Variants in CC2D2A observed in about 807,000 individuals in gnomAD.
The protein encoded by CC2D2A is coiled-coil and C2 domain-containing protein 2A.
CC2D2A carries 155 observed loss-of-function variants against 212.9 expected under a neutral mutation model. The ratio of observed to expected loss-of-function variants is 0.73; its 90% CI spans 0.64 to 0.83. The LOEUF (loss-of-function observed/expected upper bound fraction) is 0.83. Ranked by LOEUF, CC2D2A falls within the 40% of genes least tolerant of loss-of-function variation. The pLI, the probability that CC2D2A is intolerant of heterozygous loss-of-function variation, is 0.00. For missense variants in CC2D2A, 1,856 were observed against 1,956.2 expected (o/e 0.95, Z 0.97); for synonymous variants, 667 against 686.5 (o/e 0.97, Z 0.44).
intron 6 of CC2D2A, among the ~76,000 whole-genome samples, chr4:15,509,564 G>A (rs1716443890): frequency 6.6e-6 from 1 of 152,168 alleles, no homozygotes; most frequent in Non-Finnish European, 1.5e-5. Flanking sequence ...ATGAGCCACT[G>A]CATCTGGACA....
intron 24 of CC2D2A, among the ~76,000 whole-genome samples, chr4:15,566,810 C>CA (rs539922969): frequency 4.7e-4 from 72 of 151,932 alleles, no homozygotes; most frequent in African/African-American, 1.7e-3. Flanking sequence ...CTGGTCCCTA[C>CA]AAAAAATTTT....
chr4:15,524,001 G>A (rs967409891), intron 11 of CC2D2A, among the ~76,000 whole-genome samples: 2 of 152,192 alleles, frequency 1.3e-5, no homozygotes, highest in Non-Finnish European at 2.9e-5. Context: ...TCTTCCCAGG[G>A]AAGACCAGAA....
intron 29 of CC2D2A, among the ~76,000 whole-genome samples, chr4:15,579,340 A>C (rs939543286): frequency 6.6e-6 from 1 of 152,032 alleles, no homozygotes; most frequent in African/African-American, 2.4e-5. Context: ...AAAAAAAAAA[A>C]GTCTGGGAAT....
chr4:15,512,091 C>T (rs1716598561), intron 8 of CC2D2A, among the ~76,000 whole-genome samples: 1 of 152,186 alleles, frequency 6.6e-6, no homozygotes, highest in Non-Finnish European at 1.5e-5. Context: ...AGAAATTGGA[C>T]TTTGGTGCGT....
chr4:15,493,661 A>G (rs775772241), intron 4 of CC2D2A, among the ~76,000 whole-genome samples: 8 of 152,156 alleles, frequency 5.3e-5, no homozygotes, highest in Admixed American at 5.2e-4. Flanking sequence ...TTGTATCACC[A>G]TCTGACATAC....
intron 22 of CC2D2A, among the ~76,000 whole-genome samples, chr4:15,560,191 G>T (rs1719504382): frequency 6.6e-6 from 1 of 152,110 alleles, no homozygotes; most frequent in Non-Finnish European, 1.5e-5. Context: ...TTAAGAATCA[G>T]TTCTTAAGTA....
At chr4:15,532,917 T>C (rs1341498773) in intron 13 of CC2D2A, among the ~76,000 whole-genome samples, 1 of 152,228 alleles carries the variant, frequency 6.6e-6, no homozygotes, top group Non-Finnish European at 1.5e-5. Context: ...TTTCTTACCT[T>C]CAAAGGTGAC....
intron 12 of CC2D2A, 90 bp from the exon 13 acceptor site, chr4:15,528,530 C>A: frequency 1.1e-6 from 1 of 928,786 alleles, no homozygotes. Context: ...CTGATGGCAC[C>A]ATTTTGCCCA....
In CC2D2A at chr4:15,511,418, GA is replaced by G. The variant is rs754985710; in HGVS notation, c.715del (p.Met239TrpfsTer19). 6.5e-7 allele frequency: 1 copy of G among 1,537,612 alleles called. No individual in the cohort carries two copies. Among genetic ancestry groups the G allele is most frequent in the East Asian group, 2.5e-5 (1 of 40,726 alleles). ...EEPPAQGGGK[E>X]MDEEELLNGD... is the part of the protein sequence containing the mutation. ...ACCACCTGCACAAGGAGGAGGAAAG[GA>G]AATGGTATTTAATATCAGGATGGTA... On this transcript the variant is annotated frameshift_variant, in exon 8 of 37. Transcript: ENST00000424120. LOFTEE classifies it high-confidence loss of function.
chr4:15,491,167 C>A (rs1715285907), intron 4 of CC2D2A, among the ~76,000 whole-genome samples: 1 of 152,222 alleles, frequency 6.6e-6, no homozygotes, highest in South Asian at 2.1e-4. Context: ...TAAGAAACTG[C>A]CGATATACTT....
At chr4:15,570,264 C>T in intron 27 of CC2D2A, 134 bp from the exon 28 acceptor site, 1 of 513,840 alleles carries the variant, frequency 1.9e-6, no homozygotes, top group Non-Finnish European at 3.5e-6. Context: ...TGTATCTGTA[C>T]CAGAATTTGA....
chr4:15,536,747 T>G (rs1718153355), intron 14 of CC2D2A, among the ~76,000 whole-genome samples, 173 bp from the exon 15 acceptor site: 1 of 152,216 alleles, frequency 6.6e-6, no homozygotes, highest in South Asian at 2.1e-4. Context: ...TGTCATCTCA[T>G]GTATACGATG....
At chr4:15,515,788 G>A in intron 9 of CC2D2A, 80 bp from the exon 10 acceptor site, 1 of 1,304,472 alleles carries the variant, frequency 7.7e-7, no homozygotes, top group Non-Finnish European at 1.0e-6. Flanking sequence ...TGAAATCTCT[G>A]GTGATTAATT....
chr4:15,524,605 C>T lies in CC2D2A; in HGVS notation c.1150-2842C>T, dbSNP rs1361384805. Among the ~76,000 whole-genome samples the T allele has an allele frequency of 2.6e-5, 4 of 151,782 alleles. No homozygotes were observed. In the East Asian group the frequency reaches 7.8e-4, roughly 30 times the overall value. ...AGCTGGGACTACAGGTGCCCGCCAC[C>T]ACGCTCGGCTAATTTTTTTGTATTT... On this transcript the variant is annotated intron_variant, in intron 11 of 36. Coordinates refer to ENST00000424120, the MANE Select transcript of CC2D2A (RefSeq NM_001378615.1).
chr4:15,531,095 A>T (rs1418363148), intron 13 of CC2D2A, among the ~76,000 whole-genome samples: 1 of 152,064 alleles, frequency 6.6e-6, no homozygotes, highest in Non-Finnish European at 1.5e-5. Context: ...TTATCTCTAT[A>T]TTTCCTTTAA....
rs1395095096 is a variant in CC2D2A, at chr4:15,502,521, A to C, written c.336+4A>C. 1.3e-5 allele frequency: 21 copies of C among 1,594,088 alleles called. No individual in the cohort carries two copies. The highest frequency in any genetic ancestry group is 1.8e-5 in the Non-Finnish European group (21 of 1,174,126). On this transcript the variant is annotated splice_donor_region_variant and intron_variant, in intron 5 of 36. Transcript: ENST00000424120. Reference sequence around the variant, plus strand: ...GGAGAAATTGCAAGCAGCGAGGGTGAGAGAAACCACATGAATATTCTGTTC... The same window carrying C: ...GGAGAAATTGCAAGCAGCGAGGGTGCGAGAAACCACATGAATATTCTGTTC...
intron 30 of CC2D2A, among the ~76,000 whole-genome samples, chr4:15,582,713 C>A (rs1243008200): frequency 2.0e-5 from 3 of 152,010 alleles, no homozygotes; most frequent in African/African-American, 7.2e-5. Flanking sequence ...AGTCTCCTAC[C>A]AAAGAAAAGC....
intron 18 of CC2D2A, 25 bp downstream of exon 18, chr4:15,551,005 G>C: frequency 6.5e-7 from 1 of 1,533,192 alleles, no homozygotes; most frequent in Non-Finnish European, 8.9e-7. Flanking sequence ...TATCTTCAAT[G>C]GTTCACTGTT....
intron 6 of CC2D2A, among the ~76,000 whole-genome samples, chr4:15,508,375 T>A (rs7664843): frequency 1.3e-5 from 2 of 152,132 alleles, no homozygotes; most frequent in East Asian, 3.8e-4. Context: ...TGGTTTCCCA[T>A]GGGCTAAACT....
Sources: gnomAD v4.1 joint callset for allele counts (sites outside exome capture counted in the v4.1 genomes callset) on GRCh38, gnomAD v4.1.1 for gene constraint, MANE v1.5 for transcripts, NCBI Gene and HGNC (gene_info 2026-07-23, HGNC 2026-07-21) for gene names.